The following GEMIN5 variants were observed in gnomAD, a reference collection of about 807,000 sequenced individuals.
The protein encoded by GEMIN5 is gem-associated protein 5.
A neutral mutation model predicts 176.9 loss-of-function variants in GEMIN5; 124 were observed. The observed-to-expected ratio is 0.70, with a 90% CI of 0.61 to 0.81. The LOEUF is 0.81. GEMIN5 is among the 40% of genes least tolerant of loss of function. The pLI is 0.00. For synonymous variants in GEMIN5, 673 were observed against 665.2 expected, an observed-to-expected ratio of 1.01 and a Z score of -0.18; for missense variants, 1,843 against 1,814.6, an observed-to-expected ratio of 1.02 and a Z score of -0.28.
intron 15 of GEMIN5, among the ~76,000 whole-genome samples, chr5:154,908,366 A>G (rs548894911): frequency 6.6e-6 from 1 of 151,936 alleles, no homozygotes; most frequent in Non-Finnish European, 1.5e-5. Context: ...TTTTCAGTAG[A>G]GACGGGGTTT....
chr5:154,912,022 G>A, intron 14 of GEMIN5, 124 bp from the exon 15 acceptor site: 1 of 853,010 alleles, frequency 1.2e-6, no homozygotes, highest in South Asian at 1.9e-5. Context: ...TATTTCCTCA[G>A]GTGATTTAGA....
At chr5:154,903,829 A>G (rs959595547) in intron 18 of GEMIN5, among the ~76,000 whole-genome samples, 1 of 152,008 alleles carries the variant, frequency 6.6e-6, no homozygotes, top group Non-Finnish European at 1.5e-5. Flanking sequence ...AAAAATTAAA[A>G]AAAAATTTTT....
intron 15 of GEMIN5, among the ~76,000 whole-genome samples, chr5:154,910,944 C>G (rs1763687531): frequency 1.3e-5 from 2 of 151,828 alleles, no homozygotes; most frequent in Admixed American, 1.3e-4. Flanking sequence ...GTGATCCGCC[C>G]ATCTCGGCCT....
chr5:154,906,238 C>G (rs902851742), intron 16 of GEMIN5, among the ~76,000 whole-genome samples: 2 of 152,116 alleles, frequency 1.3e-5, no homozygotes, highest in Admixed American at 1.3e-4. Context: ...TGAAGCAAGT[C>G]TCTTTCCTTG....
intron 21 of GEMIN5, 86 bp downstream of exon 21, chr5:154,901,253 C>G (rs1763455278): frequency 7.8e-7 from 1 of 1,281,032 alleles, no homozygotes; most frequent in Non-Finnish European, 1.1e-6. Context: ...ACTGTTTCTT[C>G]TATTTATGTT....
chr5:154,896,407 C>T, intron 23 of GEMIN5, 64 bp from the exon 24 acceptor site: 1 of 1,465,482 alleles, frequency 6.8e-7, no homozygotes, highest in Non-Finnish European at 9.1e-7. Flanking sequence ...ATCTCGAGAG[C>T]TCTCCCGTGT....
intron 16 of GEMIN5, 70 bp downstream of exon 16, chr5:154,907,517 CTGAG>C: frequency 1.0e-6 from 1 of 984,094 alleles, no homozygotes; most frequent in East Asian, 2.7e-5. Flanking sequence ...AAGTTTCAAA[CTGAG>C]TAAGGACCTA....
At position 154,888,144 on chromosome 5, in the gene GEMIN5, A is replaced by T; in HGVS notation, c.*66T>A. 7 of 1,437,144 alleles carry T rather than the reference A, an allele frequency of 4.9e-6. No homozygotes were observed. The South Asian group carries it at 6.9e-5, about 14-fold the overall frequency. The allele number at this position is 1,437,144 out of a possible 1,614,324, so 89.0% of individuals were successfully genotyped here. On this transcript the variant is annotated 3_prime_UTR_variant, in exon 28 of 28. Transcript: ENST00000285873. ...GACCAGAGTGAATGTCTGGTGAGGC[A>T]TAACTGCAGAGGTGAAAGATGTCAA...
At chr5:154,935,579 A>G (rs918615183) in intron 3 of GEMIN5, among the ~76,000 whole-genome samples, 7 of 152,206 alleles carry the variant, frequency 4.6e-5, no homozygotes, top group African/African-American at 1.7e-4. Flanking sequence ...GAAAGAGGAC[A>G]TTTCCTACAC....
chr5:154,938,065 C>T lies in GEMIN5; in HGVS notation c.69G>A (p.Val23=), dbSNP rs759747353. Residue 23 remains valine, a synonymous_variant, in exon 1 of 28, where the codon GTG becomes GTA. Coordinates refer to ENST00000285873, the MANE Select transcript of GEMIN5 (RefSeq NM_015465.5). ...CGGCGAAGCCAAAGAGGCCCCCGGG[C>T]ACGGCATCGCTGCAGCGGGCGCAGT... is the stretch of plus-strand genomic sequence containing the variant. ...NWYCARCSDA[V]PGGLFGFAAR... is the part of the protein sequence containing the mutation. The T allele has an allele frequency of 2.6e-6, 4 of 1,526,014 alleles. No individual in the cohort carries two copies. In the African/African-American group the frequency reaches 5.7e-5, roughly 22 times the overall value. 94.5% of individuals were successfully genotyped at this position (1,526,014 alleles called of 1,614,324 possible). A position where few individuals can be genotyped will look rare whatever the true frequency, so the allele number is the denominator to read the frequency against.
Position 154,912,925 on chromosome 5 carries a change from A to AT in GEMIN5, c.1968dup (p.Ser657IlefsTer5). 1 of 1,613,828 alleles carries AT rather than the reference A, an allele frequency of 6.2e-7. No individual in the cohort carries two copies. The highest frequency in any genetic ancestry group is 2.2e-5 in the East Asian group (1 of 44,880). ...TGGGCTGTACCATCATAGGAAGCAG[A>AT]TACCAGCCTTCCATCATGATGTGGG... On this transcript the variant is annotated frameshift_variant, in exon 14 of 28. Coordinates refer to ENST00000285873, the MANE Select transcript of GEMIN5 (RefSeq NM_015465.5). LOFTEE classifies it high-confidence loss of function.
chr5:154,926,208 A>C (rs1240190516), intron 7 of GEMIN5, 134 bp from the exon 8 acceptor site: 4 of 604,022 alleles, frequency 6.6e-6, no homozygotes, highest in South Asian at 2.2e-5. Context: ...AATTGAAGAA[A>C]GCACTGCTAA....
In GEMIN5 at chr5:154,938,120, G is replaced by T; in HGVS notation, c.14C>A (p.Pro5Gln). Reference protein sequence around the residue: MGQEPRTLPPSPNWY... With the variant: MGQEQRTLPPSPNWY... ...GTTGGGGGAGGGCGGCAGCGTCCGCGGCTCCTGCCCCATAACTACAAGCCG... is the reference window on the plus strand; with the variant it reads ...GTTGGGGGAGGGCGGCAGCGTCCGCTGCTCCTGCCCCATAACTACAAGCCG... Residue 5 changes from proline (P) to glutamine (Q), a missense_variant, in exon 1 of 28, where the codon CCG (proline) becomes CAG (glutamine). Coordinates refer to ENST00000285873, the MANE Select transcript of GEMIN5 (RefSeq NM_015465.5). 1.4e-6 allele frequency: 2 copies of T among 1,401,486 alleles called. No homozygotes were observed. Among genetic ancestry groups the T allele is most frequent in the Non-Finnish European group, 1.9e-6 (2 of 1,073,990 alleles). 86.8% of individuals were successfully genotyped at this position (1,401,486 alleles called of 1,614,324 possible). A position where few individuals can be genotyped will look rare whatever the true frequency, so the allele number is the denominator to read the frequency against.
intron 14 of GEMIN5, among the ~76,000 whole-genome samples, chr5:154,912,626 T>A (rs1763725377): frequency 6.6e-6 from 1 of 152,186 alleles, no homozygotes; most frequent in Admixed American, 6.5e-5. Context: ...TCCACCATAC[T>A]GATAGTGAGT....
At chr5:154,924,645 A>G in intron 8 of GEMIN5, 91 bp from the exon 9 acceptor site, 1 of 787,466 alleles carries the variant, frequency 1.3e-6, no homozygotes, top group Non-Finnish European at 2.2e-6. Flanking sequence ...ATCCAAAGGG[A>G]AAACTGTCTT....
rs1763251501 is a variant in GEMIN5 at position 154,892,453 on chromosome 5, C to A, written c.3694G>T (p.Val1232Phe). ...AAGCTCCCTGAGTCATAGCTCCGGACCACCGCCCGAAGGAGCGCCTGCACA... is the reference window on the plus strand; with the variant it reads ...AAGCTCCCTGAGTCATAGCTCCGGAACACCGCCCGAAGGAGCGCCTGCACA... ...EAVQALLRAV[V>F]RSYDSGSFTI... Residue 1232 changes from valine (V) to phenylalanine (F), a missense_variant, in exon 25 of 28, where the codon GTC (valine) becomes TTC (phenylalanine). By Grantham distance (50) the Val-to-Phe change is conservative. Transcript: ENST00000285873. 4.3e-6 allele frequency: 7 copies of A among 1,614,216 alleles called. No homozygotes were observed. The highest frequency in any genetic ancestry group is 5.9e-6 in the Non-Finnish European group (7 of 1,180,028).
rs1002554289 is a variant in GEMIN5 at position 154,897,458 on chromosome 5, T to A, written c.3345+982A>T. ...TTTTAATCAGATGGGAACAAAAAAA[T>A]TTAAGAAATAAAGAGATTTCCATTT... On this transcript the variant is annotated intron_variant, in intron 23 of 27. Transcript: ENST00000285873. Among the ~76,000 whole-genome samples the A allele has an allele frequency of 1.4e-4, 22 of 152,304 alleles. No individual in the cohort carries two copies. In the South Asian group the frequency reaches 2.1e-3, roughly 14 times the overall value.
intron 8 of GEMIN5, among the ~76,000 whole-genome samples, chr5:154,925,229 A>T (rs1764005636): frequency 6.6e-6 from 1 of 152,240 alleles, no homozygotes; most frequent in Non-Finnish European, 1.5e-5. Context: ...AATATTAAAT[A>T]GTTTACAAAA....
At chr5:154,919,091 G>A (rs1763868409) in intron 11 of GEMIN5, among the ~76,000 whole-genome samples, 1 of 151,422 alleles carries the variant, frequency 6.6e-6, no homozygotes. Context: ...AGGGTAAGGA[G>A]GCCAAAGCAG....
Sources: allele counts gnomAD v4.1 joint callset (sites outside exome capture counted in the v4.1 genomes callset), GRCh38; gene constraint gnomAD v4.1.1; transcripts MANE v1.5; gene names NCBI Gene and HGNC (gene_info 2026-07-23, HGNC 2026-07-21).